MICALL1: variants seen among roughly 807,000 people sequenced by gnomAD.
MICALL1 encodes the protein MICAL-like protein 1.
MICALL1 carries 61 observed loss-of-function variants against 83.7 expected under a neutral mutation model. The ratio of observed to expected loss-of-function variants is 0.73; its 90% CI spans 0.59 to 0.90. The LOEUF (loss-of-function observed/expected upper bound fraction) is 0.90. Among genes scored for constraint, MICALL1 ranks in the 40% least tolerant of loss-of-function variants. MICALL1 has a pLI of 0.00. For missense variants in MICALL1, 1,066 were observed against 1,152.0 expected (o/e 0.93, Z 1.08); for synonymous variants, 481 against 473.6 (o/e 1.02, Z -0.20).
At chr22:37,928,525 T>C (rs867638890) in intron 9 of MICALL1, among the ~76,000 whole-genome samples, 1 of 152,202 alleles carries the variant, frequency 6.6e-6, no homozygotes, top group South Asian at 2.1e-4. Context: ...CTTTTCTATC[T>C]TTACTGGCCT....
chr22:37,909,297 G>A (rs531183481), intron 1 of MICALL1, among the ~76,000 whole-genome samples: 56 of 151,054 alleles, frequency 3.7e-4, no homozygotes, highest in Non-Finnish European at 6.2e-4. Context: ...CAGGTGATCC[G>A]CCTGCCTCGG....
intron 9 of MICALL1, among the ~76,000 whole-genome samples, chr22:37,928,623 C>T (rs1461661287): frequency 6.6e-6 from 1 of 152,202 alleles, no homozygotes; most frequent in African/African-American, 2.4e-5. Flanking sequence ...ATGCTTCCAT[C>T]CATCTGCCAG....
At chr22:37,913,634 C>A (rs1928479612) in intron 3 of MICALL1, among the ~76,000 whole-genome samples, 1 of 152,202 alleles carries the variant, frequency 6.6e-6, no homozygotes, top group Admixed American at 6.5e-5. Flanking sequence ...GGTCACTGGG[C>A]ATTCCCATGC....
At chr22:37,933,153 G>A (rs1929894565) in intron 13 of MICALL1, 41 bp downstream of exon 13, 1 of 1,600,748 alleles carries the variant, frequency 6.2e-7, no homozygotes. Flanking sequence ...CCTGCCCTGG[G>A]GCCTGGTGAC....
intron 15 of MICALL1, among the ~76,000 whole-genome samples, chr22:37,939,319 A>G (rs1318292393): frequency 6.6e-6 from 1 of 152,212 alleles, no homozygotes; most frequent in Admixed American, 6.5e-5. Context: ...CTGGCCCTAC[A>G]AAGGGCTCAG....
At chr22:37,926,078 G>T in intron 8 of MICALL1, 35 bp downstream of exon 8, 1 of 1,543,482 alleles carries the variant, frequency 6.5e-7, no homozygotes, top group South Asian at 1.2e-5. Flanking sequence ...CTGACAGTCG[G>T]AACTCGGGGG....
chr22:37,937,839 C>T (rs1930220828), intron 15 of MICALL1, 47 bp downstream of exon 15: 2 of 1,610,452 alleles, frequency 1.2e-6, no homozygotes, highest in Non-Finnish European at 1.7e-6. Flanking sequence ...TGAACTTCGG[C>T]ATTGGGGTTG....
At chr22:37,937,644 G>A (rs572971364) in intron 14 of MICALL1, 102 bp from the exon 15 acceptor site, 9 of 1,209,864 alleles carry the variant, frequency 7.4e-6, no homozygotes, top group African/African-American at 3.0e-5. Flanking sequence ...GGCTGATCTC[G>A]AACTCCTGAC....
intron 15 of MICALL1, among the ~76,000 whole-genome samples, chr22:37,938,395 C>G (rs1267840077): frequency 3.3e-5 from 4 of 122,936 alleles, no homozygotes; most frequent in African/African-American, 1.3e-4. Context: ...GAGCGAGACT[C>G]AGTCTCAAAA....
chr22:37,920,115 A>G (rs1569139580), intron 5 of MICALL1, among the ~76,000 whole-genome samples: 1 of 152,048 alleles, frequency 6.6e-6, no homozygotes, highest in Non-Finnish European at 1.5e-5. Context: ...ATGTGCTACC[A>G]TGTTCTGCTT....
rs1474582589 is a variant in MICALL1, at chr22:37,937,187, C to T, written c.2416C>T (p.Arg806Trp). ...NAIINCLDED[R>W]QREEEEDKML... ...TATCATCAACTGCCTGGATGAGGAC[C>T]GGCAGAGGTGACATGGCCAGGGGTG... Residue 806 changes from arginine to tryptophan, a missense_variant, in exon 14 of 16, where the codon CGG (arginine) becomes TGG (tryptophan). Arg to Trp is a moderately radical substitution (Grantham distance 101). Coordinates refer to ENST00000215957, the MANE Select transcript of MICALL1 (RefSeq NM_033386.4). 2.2e-5 allele frequency: 33 copies of T among 1,468,302 alleles called. No individual in the cohort carries two copies. Among genetic ancestry groups the T allele is most frequent in the African/African-American group, 5.8e-5 (4 of 68,794 alleles). 91.0% of individuals were successfully genotyped at this position (1,468,302 alleles called of 1,614,324 possible). A position where few individuals can be genotyped will look rare whatever the true frequency, so the allele number is the denominator to read the frequency against.
At chr22:37,936,008 A>C (rs5756856) in intron 13 of MICALL1, among the ~76,000 whole-genome samples, 120,281 of 152,178 alleles carry the variant, frequency 0.79, 47,736 homozygotes, top group East Asian at 0.9. Context: ...GGATTACAGG[A>C]GTGAGCCACC....
intron 8 of MICALL1, chr22:37,927,175 A>C: frequency 3.9e-6 from 2 of 507,682 alleles, no homozygotes; most frequent in Non-Finnish European, 3.5e-6. Context: ...AGTGTGGGGA[A>C]GTGGAGGCAG....
chr22:37,928,454 C>T (rs1356780817), intron 9 of MICALL1, among the ~76,000 whole-genome samples: 6 of 152,254 alleles, frequency 3.9e-5, no homozygotes. Flanking sequence ...GATCCACCCG[C>T]CTTGGCCTCC....
rs1246708357 is a variant in MICALL1 at position 37,927,701 on chromosome 22, A to T, written c.1756A>T (p.Arg586Trp). Residue 586 changes from arginine (R) to tryptophan (W), a missense_variant, in exon 9 of 16, where the codon AGG becomes TGG. Physicochemically the swap from Arg to Trp is moderately radical, Grantham distance 101 (BLOSUM62 -3). Transcript: ENST00000215957. ...QASPGLAPRTRGSSGPQPAKP... is the reference protein window; with the variant it reads ...QASPGLAPRTWGSSGPQPAKP... ...CAGCCCTGGCCTTGCCCCCAGGACC[A>T]GGGGCAGCTCAGGTCCCCAGCCAGC... is the stretch of plus-strand genomic sequence containing the variant. 6.2e-7 allele frequency: 1 copy of T among 1,614,096 alleles called. No individual in the cohort carries two copies. Among genetic ancestry groups the T allele is most frequent in the South Asian group, 1.1e-5 (1 of 91,086 alleles).
At chr22:37,915,278 T>G (rs868028093) in intron 3 of MICALL1, among the ~76,000 whole-genome samples, 1 of 151,916 alleles carries the variant, frequency 6.6e-6, no homozygotes, top group South Asian at 2.1e-4. Flanking sequence ...ACAAGAAAAT[T>G]TAGAACATGG....
At chr22:37,935,614 G>A (rs957273035) in intron 13 of MICALL1, among the ~76,000 whole-genome samples, 8 of 149,868 alleles carry the variant, frequency 5.3e-5, no homozygotes, top group South Asian at 2.1e-4. Flanking sequence ...GTGCAATGGC[G>A]TGAACTCAGC....
Position 37,932,747 on chromosome 22 carries a change from T to G in MICALL1, c.2144-51T>G. The G allele has an allele frequency of 6.2e-7, 1 of 1,613,198 alleles. No individual in the cohort carries two copies. Among genetic ancestry groups the G allele is most frequent in the Non-Finnish European group, 8.5e-7 (1 of 1,179,610 alleles). On this transcript the variant is annotated intron_variant, in intron 11 of 15. Coordinates refer to ENST00000215957, the MANE Select transcript of MICALL1 (RefSeq NM_033386.4). This position sits in a 1 kb window ranked among gnomAD's most constrained non-coding sequence, Gnocchi z 4.4. ...CAGGAGCCTCTATTCCCCGGGGAACTGAGCCAGGCATGGCAGCCAGCCCTG... is the reference window on the plus strand; with the variant it reads ...CAGGAGCCTCTATTCCCCGGGGAACGGAGCCAGGCATGGCAGCCAGCCCTG...
intron 9 of MICALL1, among the ~76,000 whole-genome samples, chr22:37,929,995 G>A (rs1056063974): frequency 8.5e-5 from 13 of 152,190 alleles, no homozygotes; most frequent in Middle Eastern, 3.2e-3. Flanking sequence ...TCTGGGCCTC[G>A]GGCTCCCACA....
Sources: allele counts gnomAD v4.1 joint callset (sites outside exome capture counted in the v4.1 genomes callset), GRCh38; gene constraint gnomAD v4.1.1; non-coding constraint Gnocchi (gnomAD v3.1); transcripts MANE v1.5; gene names NCBI Gene and HGNC (gene_info 2026-07-23, HGNC 2026-07-21).